Variants in BTBD16 observed in about 807,000 individuals in gnomAD.
The protein encoded by BTBD16 is BTB/POZ domain-containing protein 16.
BTBD16 carries 66 observed loss-of-function variants against 67.4 expected under a neutral mutation model. The ratio of observed to expected loss-of-function variants is 0.98; its 90% confidence interval spans 0.80 to 1.20. The LOEUF (loss-of-function observed/expected upper bound fraction) is 1.20, where lower values mean the gene tolerates loss of function less well. BTBD16 is among the 50% of genes most tolerant of loss of function. The pLI is 0.00. For missense variants in BTBD16, 634 were observed against 616.0 expected (o/e 1.03, Z -0.31); for synonymous variants, 242 against 236.4 (o/e 1.02, Z -0.22).
Position 122,329,530 on chromosome 10 carries a change from G to A in BTBD16, c.962G>A (p.Arg321Lys), listed in dbSNP as rs2096451367. The part of the protein sequence containing the change: ...FLDRDIGRSL[R>K]PLFLCLRLHG... Reference sequence around the variant, plus strand: ...GACCGGGACATAGGACGGAGCTTGAGGCCGCTCTTCCTCTGCTTGCGTCTG... The same window carrying A: ...GACCGGGACATAGGACGGAGCTTGAAGCCGCTCTTCCTCTGCTTGCGTCTG... Residue 321 changes from arginine to lysine, a missense_variant, in exon 11 of 16, where the codon AGG becomes AAG. Transcript: ENST00000260723. 1 of 1,613,890 alleles carries A rather than the reference G, an allele frequency of 6.2e-7. No homozygotes were observed. Among genetic ancestry groups the A allele is most frequent in the Non-Finnish European group, 8.5e-7 (1 of 1,180,000 alleles).
intron 6 of BTBD16, 93 bp downstream of exon 6, chr10:122,290,091 A>C: frequency 2.4e-6 from 2 of 842,116 alleles, no homozygotes; most frequent in Non-Finnish European, 3.9e-6. Context: ...AGCAAAACAA[A>C]CCAACAGTAG....
chr10:122,289,056 C>T (rs2096369037), intron 5 of BTBD16, among the ~76,000 whole-genome samples: 1 of 152,176 alleles, frequency 6.6e-6, no homozygotes, highest in Non-Finnish European at 1.5e-5. Flanking sequence ...CTTTTCCCTT[C>T]CTCCTGGAAA....
At chr10:122,274,484 A>G (rs1433933354) in intron 1 of BTBD16, among the ~76,000 whole-genome samples, 3 of 151,562 alleles carry the variant, frequency 2.0e-5, no homozygotes, top group African/African-American at 7.3e-5. Context: ...CATCCTTCCA[A>G]TCAATCTTAA....
chr10:122,308,152 G>A (rs1590075311), intron 10 of BTBD16, among the ~76,000 whole-genome samples: 1 of 152,160 alleles, frequency 6.6e-6, no homozygotes. Flanking sequence ...TACTGGAAAC[G>A]TCTTAGCACT....
chr10:122,279,024 C>T (rs751253682), intron 3 of BTBD16, among the ~76,000 whole-genome samples: 2 of 152,202 alleles, frequency 1.3e-5, no homozygotes, highest in East Asian at 1.9e-4. Context: ...AGGCAAGTCA[C>T]GTGGCCAAAC....
intron 2 of BTBD16, 40 bp downstream of exon 2, chr10:122,275,139 G>C: frequency 6.3e-7 from 1 of 1,595,036 alleles, no homozygotes; most frequent in Non-Finnish European, 8.6e-7. Flanking sequence ...GTGATGAGAA[G>C]AAGCATTTGC....
At chr10:122,305,282 T>C (rs1190621117) in intron 9 of BTBD16, among the ~76,000 whole-genome samples, 3 of 152,236 alleles carry the variant, frequency 2.0e-5, no homozygotes, top group Non-Finnish European at 4.4e-5. Flanking sequence ...ATCCTTGATA[T>C]AGTTTAGATG....
At chr10:122,281,738 C>T (rs1187091336) in intron 3 of BTBD16, among the ~76,000 whole-genome samples, 2 of 152,240 alleles carry the variant, frequency 1.3e-5, no homozygotes, top group African/African-American at 4.8e-5. Flanking sequence ...GGACTGGGGT[C>T]CAGCCCCAGG....
intron 9 of BTBD16, among the ~76,000 whole-genome samples, chr10:122,300,636 A>G (rs925996666): frequency 6.6e-6 from 1 of 152,188 alleles, no homozygotes; most frequent in Non-Finnish European, 1.5e-5. Context: ...CATTGATGTA[A>G]TACTTTAATG....
At chr10:122,321,050 T>C (rs2142117207) in intron 10 of BTBD16, among the ~76,000 whole-genome samples, 1 of 152,292 alleles carries the variant, frequency 6.6e-6, no homozygotes, top group African/African-American at 2.4e-5. Context: ...TTCCCATCTT[T>C]ATGTTCATGT....
chr10:122,286,606 G>A (rs1183880028), intron 5 of BTBD16, among the ~76,000 whole-genome samples: 1 of 152,128 alleles, frequency 6.6e-6, no homozygotes, highest in Non-Finnish European at 1.5e-5. Context: ...GAAAAAATAG[G>A]CTATGTGGAA....
intron 9 of BTBD16, among the ~76,000 whole-genome samples, chr10:122,306,536 A>G (rs7078222): frequency 0.012 from 1,779 of 152,296 alleles, 28 homozygotes; most frequent in African/African-American, 0.038. Context: ...TCTGGTGAGG[A>G]ACTGAGATTC....
At position 122,334,959 on chromosome 10, in the gene BTBD16, T is replaced by A; in HGVS notation, c.1243T>A (p.Ser415Thr). ...AAAGGGACTCAAACATGATACTACCTCTTATAGTTTTTACATGCAGGTAAG... is the reference window on the plus strand; with the variant it reads ...AAAGGGACTCAAACATGATACTACCACTTATAGTTTTTACATGCAGGTAAG... ...KIKGLKHDTTSYSFYMQRIKH... is the reference protein window; with the variant it reads ...KIKGLKHDTTTYSFYMQRIKH... The change falls in exon 14 of 16, where the codon TCT (serine) becomes ACT (threonine). Residue 415 changes from serine (S) to threonine (T), a missense_variant. Coordinates refer to ENST00000260723, the MANE Select transcript of BTBD16 (RefSeq NM_144587.5). 1 of 1,536,980 alleles carries A rather than the reference T, an allele frequency of 6.5e-7. No homozygotes were observed. Among genetic ancestry groups the A allele is most frequent in the Non-Finnish European group, 9.0e-7 (1 of 1,114,854 alleles).
chr10:122,281,374 G>C (rs1447981967), intron 3 of BTBD16, among the ~76,000 whole-genome samples: 1 of 151,934 alleles, frequency 6.6e-6, no homozygotes. Context: ...TTGTTGGGTG[G>C]ATTTTTTTGT....
intron 10 of BTBD16, among the ~76,000 whole-genome samples, chr10:122,322,656 T>C (rs1251727376): frequency 1.7e-4 from 26 of 152,344 alleles, no homozygotes; most frequent in Admixed American, 1.6e-3. Flanking sequence ...TACAGAAATA[T>C]GGCACCTGTG....
rs529441922 is a variant in BTBD16 at position 122,290,965 on chromosome 10, G to T, written c.476-115G>T. Reference sequence around the variant, plus strand: ...TGCCTGCATCCAGGTGAGAGGTGGCGCATTTTCTCTAAGGGCACCTCTGCC... The same window carrying T: ...TGCCTGCATCCAGGTGAGAGGTGGCTCATTTTCTCTAAGGGCACCTCTGCC... On this transcript the variant is annotated intron_variant, in intron 6 of 15. Coordinates refer to ENST00000260723, the MANE Select transcript of BTBD16 (RefSeq NM_144587.5). The T allele has an allele frequency of 2.8e-4, 389 of 1,388,984 alleles. No individual in the cohort carries two copies. The Middle Eastern group carries it at 4.4e-3, about 16-fold the overall frequency. 86.0% of individuals were successfully genotyped at this position (1,388,984 alleles called of 1,614,324 possible).
intron 13 of BTBD16, among the ~76,000 whole-genome samples, 167 bp from the exon 14 acceptor site, chr10:122,334,714 G>C (rs1402641159): frequency 6.9e-6 from 1 of 144,600 alleles, no homozygotes; most frequent in Non-Finnish European, 1.5e-5. Flanking sequence ...TAGAGATGGG[G>C]TTTTGCCACA....
At chr10:122,314,369 T>C (rs1278144194) in intron 10 of BTBD16, among the ~76,000 whole-genome samples, 2 of 152,146 alleles carry the variant, frequency 1.3e-5, no homozygotes, top group Non-Finnish European at 2.9e-5. Flanking sequence ...CTGGGCATGG[T>C]GGCACACTCC....
chr10:122,337,977 C>T (rs367569260), intron 15 of BTBD16, 40 bp from the exon 16 acceptor site: 1 of 1,549,584 alleles, frequency 6.5e-7, no homozygotes, highest in East Asian at 2.2e-5. Context: ...TTGTGTTCAT[C>T]CTAAAAGTCA....
Sources: allele counts gnomAD v4.1 joint callset (sites outside exome capture counted in the v4.1 genomes callset), GRCh38; gene constraint gnomAD v4.1.1; transcripts MANE v1.5; gene names NCBI Gene and HGNC (gene_info 2026-07-23, HGNC 2026-07-21).